The following ZBTB7C variants were observed in gnomAD, a reference collection of about 807,000 sequenced individuals.
ZBTB7C encodes the protein zinc finger and BTB domain containing 7C.
ZBTB7C carries 8 observed loss-of-function variants against 25.7 expected under a neutral mutation model. The ratio of observed to expected loss-of-function variants is 0.31; its 90% CI spans 0.18 to 0.56. ZBTB7C has a LOEUF of 0.56. ZBTB7C is among the 20% of genes least tolerant of loss of function. ZBTB7C has a pLI of 0.91. For synonymous variants in ZBTB7C, 394 were observed against 369.0 expected (o/e 1.07, Z -0.78); for missense variants, 824 against 855.2 (o/e 0.96, Z 0.46).
chr18:48,399,389 T>G lies in ZBTB7C; in HGVS notation c.-304+9837A>C, dbSNP rs185602502. The stretch of plus-strand genomic sequence containing the variant: ...TTAAAAATTCAAAGCAAACAATGTT[T>G]GGAAAAGTAATAAAAAATCTGCTTT... On this transcript the variant is annotated intron_variant, in intron 1 of 4. Transcript: ENST00000590800. Among the ~76,000 whole-genome samples, 657 of 152,304 alleles carry G rather than the reference T, an allele frequency of 4.3e-3. 1 individual carries two copies. Among genetic ancestry groups the G allele is most frequent in the Middle Eastern group, 0.01 (3 of 294 alleles).
At chr18:48,373,829 C>T (rs1028478713) in intron 1 of ZBTB7C, among the ~76,000 whole-genome samples, 1 of 152,134 alleles carries the variant, frequency 6.6e-6, no homozygotes, top group Admixed American at 6.5e-5. Flanking sequence ...GGCATGGTGG[C>T]GGGGGCCTGT....
intron 2 of ZBTB7C, among the ~76,000 whole-genome samples, chr18:48,277,459 AC>A (rs1387793354): frequency 1.3e-5 from 2 of 152,232 alleles, no homozygotes; most frequent in Non-Finnish European, 2.9e-5. Context: ...ACCATCTCAC[AC>A]CAGTCCTAAG....
At position 48,167,597 on chromosome 18, in the gene ZBTB7C, T is replaced by TGTGTGTGTGTGTGTGTGC. The variant is rs779870966; in HGVS notation, c.-17+18336_-17+18337insGCACACACACACACACAC. 4.8e-3 allele frequency among the ~76,000 whole-genome samples: 710 copies of TGTGTGTGTGTGTGTGTGC among 148,132 alleles called. 5 individuals are homozygous for TGTGTGTGTGTGTGTGTGC. The highest frequency in any genetic ancestry group is 0.018 in the East Asian group (86 of 4,906). ...GTGTGTGTGTGTGTGTGTGTGTGTG[T>TGTGTGTGTGTGTGTGTGC]GCGCGCGTGCACACGCGCATGCGCC... is the stretch of plus-strand genomic sequence containing the variant. On this transcript the variant is annotated intron_variant, in intron 3 of 4. Transcript: ENST00000590800.
chr18:48,262,065 A>G (rs1460519280), intron 2 of ZBTB7C, among the ~76,000 whole-genome samples: 1 of 152,220 alleles, frequency 6.6e-6, no homozygotes, highest in Non-Finnish European at 1.5e-5. Context: ...ACATCCCTAG[A>G]AAGTCACAGG....
intron 1 of ZBTB7C, among the ~76,000 whole-genome samples, chr18:48,393,313 C>T (rs959484713): frequency 6.9e-6 from 1 of 145,778 alleles, no homozygotes; most frequent in African/African-American, 2.5e-5. Flanking sequence ...GCCCCCTTGG[C>T]TCCCTTCTGC....
chr18:48,034,536 C>T (rs1016542680), intron 4 of ZBTB7C, among the ~76,000 whole-genome samples: 30 of 152,116 alleles, frequency 2.0e-4, no homozygotes, highest in African/African-American at 7.2e-4. Context: ...CCTCCCAGCA[C>T]TCCTCCCTGC....
chr18:48,084,770 G>A (rs199598256), intron 3 of ZBTB7C, among the ~76,000 whole-genome samples: 1 of 152,212 alleles, frequency 6.6e-6, no homozygotes, highest in Non-Finnish European at 1.5e-5. Flanking sequence ...GACCTAGTAA[G>A]TATGTTGAGT....
intron 3 of ZBTB7C, among the ~76,000 whole-genome samples, chr18:48,072,280 C>A (rs1000112532): frequency 6.6e-6 from 1 of 152,188 alleles, no homozygotes; most frequent in Non-Finnish European, 1.5e-5. Flanking sequence ...GGTAAGAAGA[C>A]CCCAAACGGG....
intron 3 of ZBTB7C, among the ~76,000 whole-genome samples, chr18:48,157,763 T>C (rs1390947020): frequency 1.3e-5 from 2 of 152,158 alleles, no homozygotes; most frequent in African/African-American, 2.4e-5. Context: ...GTAAAGTGCT[T>C]AGAACACCCG....
At chr18:48,365,609 C>G (rs1170466517) in intron 1 of ZBTB7C, among the ~76,000 whole-genome samples, 8 of 152,116 alleles carry the variant, frequency 5.3e-5, no homozygotes, top group Admixed American at 5.2e-4. Flanking sequence ...CAGATGAGAA[C>G]CCAGCCCAGG....
chr18:48,260,965 T>A (rs529082079), intron 2 of ZBTB7C, among the ~76,000 whole-genome samples: 19 of 152,232 alleles, frequency 1.2e-4, no homozygotes, highest in African/African-American at 4.3e-4. Context: ...CGGGCAAATT[T>A]GTATGAGCAA....
chr18:48,029,346 G>T lies in ZBTB7C; in HGVS notation c.1774C>A (p.Pro592Thr). Residue 592 changes from proline (P) to threonine (T), a missense_variant, in exon 5 of 5, where the codon CCC (proline) becomes ACC (threonine). Physicochemically the swap from Pro to Thr is conservative, Grantham distance 38 (BLOSUM62 -1). Around this residue, in one of 4 missense-constraint regions of ZBTB7C, gnomAD observed 342 missense variants for 307.0 expected, o/e 1.11. Transcript: ENST00000590800. ...GCCAGGCCGGCGGCCCAAGGGTCGGGCAGCGGGAAGTAGGGCCGCGCCGCC... is the reference window on the plus strand; with the variant it reads ...GCCAGGCCGGCGGCCCAAGGGTCGGTCAGCGGGAAGTAGGGCCGCGCCGCC... ...VAAARPYFPL[P>T]DPWAAGLAGL... 6.5e-7 allele frequency: 1 copy of T among 1,544,126 alleles called. No homozygotes were observed. Among genetic ancestry groups the T allele is most frequent in the Non-Finnish European group, 8.7e-7 (1 of 1,149,862 alleles).
chr18:48,282,627 C>G (rs1310846617), intron 2 of ZBTB7C, among the ~76,000 whole-genome samples: 1 of 152,100 alleles, frequency 6.6e-6, no homozygotes, highest in African/African-American at 2.4e-5. Flanking sequence ...CAATAAGATG[C>G]AGACATTGTG....
At chr18:48,156,579 G>A (rs921517089) in intron 3 of ZBTB7C, among the ~76,000 whole-genome samples, 7 of 152,256 alleles carry the variant, frequency 4.6e-5, no homozygotes, top group Admixed American at 2.0e-4. Context: ...TCCATTGGCC[G>A]ATGGAGCCAC....
At position 48,040,110 on chromosome 18, in the gene ZBTB7C, G is replaced by T; in HGVS notation, c.998C>A (p.Ala333Asp). Residue 333 changes from alanine (A) to aspartate (D), a missense_variant, in exon 4 of 5, where the codon GCC (alanine) becomes GAC (aspartate). Around this residue, in one of 4 missense-constraint regions of ZBTB7C, gnomAD observed 316 missense variants for 299.2 expected, o/e 1.06. Coordinates refer to ENST00000590800, the MANE Select transcript of ZBTB7C (RefSeq NM_001318841.2). ...GGTGGCACTCAGGAAGTTGAGATAG[G>T]CACCGTAGTCGTTCTCCGCCTTGAT... is the stretch of plus-strand genomic sequence containing the variant. Reference protein sequence around the residue: ...GPIKAENDYGAYLNFLSATHL... With the variant: ...GPIKAENDYGDYLNFLSATHL... 1 of 1,604,586 alleles carries T rather than the reference G, an allele frequency of 6.2e-7. No homozygotes were observed. Among genetic ancestry groups the T allele is most frequent in the Non-Finnish European group, 8.5e-7 (1 of 1,175,292 alleles).
upstream of ZBTB7C, chr18:48,410,689 TCCA>T (rs1315524191): frequency 6.6e-6 from 1 of 152,374 alleles, no homozygotes; most frequent in Non-Finnish European, 1.5e-5. Context: ...CTTTTTGCAG[TCCA>T]CCCCTCTGCG....
rs573398249 is a variant in ZBTB7C, at chr18:48,125,883, C to A, written c.-17+60051G>T. Among the ~76,000 whole-genome samples, 3 of 152,274 alleles carry A rather than the reference C, an allele frequency of 2.0e-5. No individual in the cohort carries two copies. The South Asian group carries it at 6.2e-4, about 32-fold the overall frequency. Reference sequence around the variant, plus strand: ...CACGCATTCTAAGAATGCAAGATATCATCGTGCAACTCTCTTTACCTAGTG... The same window carrying A: ...CACGCATTCTAAGAATGCAAGATATAATCGTGCAACTCTCTTTACCTAGTG... On this transcript the variant is annotated intron_variant, in intron 3 of 4. Transcript: ENST00000590800.
intron 2 of ZBTB7C, among the ~76,000 whole-genome samples, chr18:48,232,483 T>C (rs530455357): frequency 6.6e-6 from 1 of 151,408 alleles, no homozygotes; most frequent in East Asian, 1.9e-4. Flanking sequence ...TCCTGGACCC[T>C]CTAGACCAGC....
chr18:48,057,839 G>T (rs2036976224), intron 3 of ZBTB7C, among the ~76,000 whole-genome samples: 1 of 152,192 alleles, frequency 6.6e-6, no homozygotes, highest in Non-Finnish European at 1.5e-5. Flanking sequence ...GCTCAAGGGA[G>T]AAATGGATGA....
Sources: gnomAD v4.1 joint callset for allele counts (sites outside exome capture counted in the v4.1 genomes callset) on GRCh38, gnomAD v4.1.1 for gene constraint, gnomAD v4.1.1 regional missense constraint, MANE v1.5 for transcripts, NCBI Gene and HGNC (gene_info 2026-07-23, HGNC 2026-07-21) for gene names.